The following TADA2A variants were observed in gnomAD, a reference collection of about 807,000 sequenced individuals.
TADA2A encodes transcriptional adapter 2-alpha.
Under a neutral mutation model 67.4 loss-of-function variants are expected in TADA2A, and 38 were observed. The ratio of observed to expected loss-of-function variants is 0.56; its 90% CI spans 0.44 to 0.74. The LOEUF (loss-of-function observed/expected upper bound fraction) is 0.74. TADA2A is among the 30% of genes least tolerant of loss of function. The pLI is 0.00. For missense variants in TADA2A, 454 were observed against 547.0 expected (o/e 0.83, Z 1.70); for synonymous variants, 192 against 181.6 (o/e 1.06, Z -0.46).
At chr17:37,434,410 C>T (rs776834193) in intron 4 of TADA2A, among the ~76,000 whole-genome samples, 7 of 152,168 alleles carry the variant, frequency 4.6e-5, no homozygotes, top group South Asian at 2.1e-4. Flanking sequence ...CTGGGTACAC[C>T]GCCCTCTACC....
chr17:37,477,929 G>A lies in TADA2A; in HGVS notation c.*947G>A, dbSNP rs1055020599. 6.6e-6 allele frequency: 1 copy of A among 151,932 alleles called. No individual in the cohort carries two copies. The highest frequency in any genetic ancestry group is 1.5e-5 in the Non-Finnish European group (1 of 68,010). 9.4% of individuals were successfully genotyped at this position (151,932 alleles called of 1,614,324 possible). ...GAAGTCAGGAGTTCAAGACCAGCCTGACCAACATGGTGAAACAGTCTCTAC... is the reference window on the plus strand; with the variant it reads ...GAAGTCAGGAGTTCAAGACCAGCCTAACCAACATGGTGAAACAGTCTCTAC... On this transcript the variant is annotated 3_prime_UTR_variant, in exon 16 of 16. Transcript: ENST00000615182.
At chr17:37,436,867 C>T (rs918609986) in intron 4 of TADA2A, among the ~76,000 whole-genome samples, 2 of 151,108 alleles carry the variant, frequency 1.3e-5, no homozygotes, top group African/African-American at 4.9e-5. Flanking sequence ...TAAATGGGAG[C>T]GTACTGAAAT....
At chr17:37,409,767 C>A (rs1470717652) in intron 1 of TADA2A, among the ~76,000 whole-genome samples, 12 of 141,964 alleles carry the variant, frequency 8.5e-5, no homozygotes, top group South Asian at 2.2e-4. Context: ...GACTTAGTCT[C>A]AAAAAAAAAC....
At chr17:37,460,650 G>A (rs1485573618) in intron 9 of TADA2A, among the ~76,000 whole-genome samples, 1 of 152,178 alleles carries the variant, frequency 6.6e-6, no homozygotes, top group African/African-American at 2.4e-5. Context: ...CAGGCATACT[G>A]GTTCTTCCTC....
intron 8 of TADA2A, among the ~76,000 whole-genome samples, chr17:37,456,620 A>T (rs530937962): frequency 1.3e-5 from 2 of 152,242 alleles, no homozygotes; most frequent in Non-Finnish European, 2.9e-5. Flanking sequence ...GCAGTTATCC[A>T]ATATAGGAGT....
intron 4 of TADA2A, among the ~76,000 whole-genome samples, chr17:37,427,478 C>G (rs1354779281): frequency 2.0e-5 from 3 of 152,110 alleles, no homozygotes; most frequent in African/African-American, 7.2e-5. Context: ...GTGAACACAG[C>G]AAATGAATTA....
chr17:37,437,885 T>G, intron 5 of TADA2A, 56 bp downstream of exon 5: 3 of 1,525,636 alleles, frequency 2.0e-6, no homozygotes, highest in Non-Finnish European at 2.7e-6. Flanking sequence ...GAAGAAGCTG[T>G]TGTTGAAGAG....
chr17:37,467,160 GA>G (rs930279767), intron 11 of TADA2A, among the ~76,000 whole-genome samples: 5 of 149,420 alleles, frequency 3.3e-5, no homozygotes, highest in East Asian at 2.0e-4. Context: ...CTCAAAAAAA[GA>G]AAAAAAAAAT....
intron 5 of TADA2A, 79 bp downstream of exon 5, chr17:37,437,908 C>A (rs1181211065): frequency 7.5e-7 from 1 of 1,340,508 alleles, no homozygotes; most frequent in Non-Finnish European, 1.1e-6. Context: ...AAGGAAGGAA[C>A]CTCAGGAAGA....
chr17:37,471,130 G>T lies in TADA2A; in HGVS notation c.1065G>T (p.Ser355=). ...SGLSPSIPMA[S]NSGRRSAPPL... ...TGAGTCCTTCCATTCCAATGGCTTC[G>T]AATTCAGGTAATTATTTCTCAGGCC... Residue 355 remains serine (S), a synonymous_variant, in exon 14 of 16, where the codon TCG becomes TCT. Transcript: ENST00000615182. 2 of 1,614,030 alleles carry T rather than the reference G, an allele frequency of 1.2e-6. No individual in the cohort carries two copies. The highest frequency in any genetic ancestry group is 4.5e-5 in the East Asian group (2 of 44,872).
Position 37,458,548 on chromosome 17 carries a change from T to A in TADA2A, c.629T>A (p.Ile210Asn), listed in dbSNP as rs749593690. 2 of 1,613,020 alleles carry A rather than the reference T, an allele frequency of 1.2e-6. No homozygotes were observed. The highest frequency in any genetic ancestry group is 3.3e-5 in the Admixed American group (2 of 59,932). Residue 210 changes from isoleucine (I) to asparagine (N), a missense_variant, in exon 9 of 16, where the codon ATC (isoleucine) becomes AAC (asparagine). This residue lies in a region of TADA2A where 403 missense variants were observed against 455.5 expected (regional missense o/e 0.88). Transcript: ENST00000615182. The part of the protein sequence containing the change: ...LHALKMAVVD[I>N]YHSRLKERQR... The stretch of plus-strand genomic sequence containing the variant: ...GCTCTGAAGATGGCTGTGGTAGATA[T>A]CTATCATTCCAGGTTAAAGGAGAGA...
intron 9 of TADA2A, among the ~76,000 whole-genome samples, chr17:37,458,854 T>G (rs546003033): frequency 5.9e-4 from 90 of 152,220 alleles, no homozygotes; most frequent in African/African-American, 2.1e-3. Flanking sequence ...TTTTTTGTAT[T>G]TTTTGTAGAT....
chr17:37,424,285 T>TA (rs1352645037), intron 3 of TADA2A, among the ~76,000 whole-genome samples: 4 of 148,448 alleles, frequency 2.7e-5, no homozygotes, highest in East Asian at 4.1e-4. Flanking sequence ...TCCACAAAAA[T>TA]AAAAAAAAAT....
intron 7 of TADA2A, 149 bp from the exon 8 acceptor site, chr17:37,444,547 G>C (rs1597898715): frequency 1.5e-6 from 1 of 682,386 alleles, no homozygotes; most frequent in Non-Finnish European, 2.6e-6. Context: ...TATTACCTGT[G>C]CCAGTATTGT....
rs573640576 is a variant in TADA2A at position 37,474,574 on chromosome 17, C to G, written c.1091C>G (p.Pro364Arg). Residue 364 changes from proline to arginine, a missense_variant, in exon 15 of 16, where the codon CCC becomes CGC. Transcript: ENST00000615182. Reference sequence around the variant, plus strand: ...TCTATAGGTAGACGGAGTGCACCACCCTTGAACCTCACTGGCCTCCCTGGC... The same window carrying G: ...TCTATAGGTAGACGGAGTGCACCACGCTTGAACCTCACTGGCCTCCCTGGC... ...ASNSGRRSAP[P>R]LNLTGLPGTE... 1 of 1,613,600 alleles carries G rather than the reference C, an allele frequency of 6.2e-7. No homozygotes were observed. The highest frequency in any genetic ancestry group is 8.5e-7 in the Non-Finnish European group (1 of 1,179,904).
chr17:37,467,478 T>A lies in TADA2A; in HGVS notation c.848T>A (p.Ile283Asn). 6.2e-7 allele frequency: 1 copy of A among 1,614,002 alleles called. No individual in the cohort carries two copies. The highest frequency in any genetic ancestry group is 8.5e-7 in the Non-Finnish European group (1 of 1,179,970). Residue 283 changes from isoleucine (I) to asparagine (N), a missense_variant, in exon 12 of 16, where the codon ATC becomes AAC. By Grantham distance (149) the Ile-to-Asn change is moderately radical. Around this residue, in one of 2 missense-constraint regions of TADA2A, gnomAD observed 403 missense variants for 455.5 expected, o/e 0.88. Coordinates refer to ENST00000615182, the MANE Select transcript of TADA2A (RefSeq NM_001166105.3). ...GTGGAATTTGAACTCCGAAGGGAAA[T>A]CAAGAGGCTCCAAGAATACAGGACA... ...HALEFELRRE[I>N]KRLQEYRTAG... is the part of the protein sequence containing the mutation.
chr17:37,443,815 C>G (rs1241324840), intron 7 of TADA2A, among the ~76,000 whole-genome samples: 4 of 152,166 alleles, frequency 2.6e-5, no homozygotes, highest in African/African-American at 9.7e-5. Context: ...GATTCCTGTA[C>G]TATATCCACA....
intron 14 of TADA2A, 131 bp downstream of exon 14, chr17:37,471,268 C>T (rs779237503): frequency 1.1e-5 from 9 of 855,270 alleles, no homozygotes; most frequent in Middle Eastern, 2.2e-4. Context: ...CAAGTGTTAG[C>T]CCAATATATA....
At chr17:37,424,227 G>C (rs1269604020) in intron 3 of TADA2A, among the ~76,000 whole-genome samples, 1 of 151,982 alleles carries the variant, frequency 6.6e-6, no homozygotes, top group Admixed American at 6.6e-5. Flanking sequence ...GAGGTCAAGA[G>C]TTCAAGACCA....
Sources: allele counts gnomAD v4.1 joint callset (sites outside exome capture counted in the v4.1 genomes callset), GRCh38; gene constraint gnomAD v4.1.1; regional missense constraint gnomAD v4.1.1; transcripts MANE v1.5; gene names NCBI Gene and HGNC (gene_info 2026-07-23, HGNC 2026-07-21).